Variants in ABCC12 observed in about 807,000 individuals in gnomAD.
The protein encoded by ABCC12 is ATP binding cassette subfamily C member 12, also known as ATP-binding cassette sub-family C member 12.
ABCC12 carries 142 observed loss-of-function variants against 151.1 expected under a neutral mutation model. That is an observed-to-expected ratio of 0.94 (90% CI 0.82 to 1.08). The LOEUF is 1.08. ABCC12 is among the 50% of genes least tolerant of loss of function. The pLI, the probability that ABCC12 is intolerant of heterozygous loss-of-function variation, is 0.00. For missense variants in ABCC12, 1,638 were observed against 1,691.1 expected (o/e 0.97, Z 0.55); for synonymous variants, 645 against 646.4 (o/e 1.00, Z 0.03).
Position 48,107,412 on chromosome 16 carries a change from A to G in ABCC12, c.2385T>C (p.Ser795=). Reference sequence around the variant, plus strand: ...GGAGGAAGAGGAACACAGTGAAGAGAGAAAGGAGGTACCCTGCAAGAGGAG... The same window carrying G: ...GGAGGAAGAGGAACACAGTGAAGAGGGAAAGGAGGTACCCTGCAAGAGGAG... The part of the protein sequence containing the change: ...YIKASGGYLL[S]LFTVFLFLLM... The change falls in exon 20 of 31, where the codon TCT becomes TCC. Residue 795 remains serine (S), a synonymous_variant. Transcript: ENST00000311303. The G allele has an allele frequency of 6.2e-7, 1 of 1,614,172 alleles. No homozygotes were observed. The highest frequency in any genetic ancestry group is 8.5e-7 in the Non-Finnish European group (1 of 1,180,030).
Position 48,120,342 on chromosome 16 carries a change from G to A in ABCC12, c.1712+1374C>T, listed in dbSNP as rs149125240. Among the ~76,000 whole-genome samples, 11 of 152,240 alleles carry A rather than the reference G, an allele frequency of 7.2e-5. No individual in the cohort carries two copies. The East Asian group carries it at 9.6e-4, about 13-fold the overall frequency. On this transcript the variant is annotated intron_variant, in intron 13 of 30. Transcript: ENST00000311303. Reference sequence around the variant, plus strand: ...AAGGATGGAGGATGAGAGGGCGCACGGATGAACAGCTTCCTATTGGGTACT... The same window carrying A: ...AAGGATGGAGGATGAGAGGGCGCACAGATGAACAGCTTCCTATTGGGTACT...
chr16:48,098,718 AT>A (rs1963198347), intron 23 of ABCC12, among the ~76,000 whole-genome samples: 1 of 152,180 alleles, frequency 6.6e-6, no homozygotes, highest in African/African-American at 2.4e-5. Context: ...ATCTTTTTAC[AT>A]TTTTTAAGCT....
chr16:48,136,612 G>A (rs1200835749), intron 8 of ABCC12, among the ~76,000 whole-genome samples: 9 of 152,202 alleles, frequency 5.9e-5, no homozygotes, highest in Admixed American at 3.3e-4. Context: ...ATTACAAATT[G>A]TGTTGAGTGA....
rs199765740 is a variant in ABCC12, at chr16:48,088,717, G to A, written c.3303C>T (p.Cys1101=). 2.5e-6 allele frequency: 4 copies of A among 1,613,512 alleles called. No homozygotes were observed. In the African/African-American group the frequency reaches 4.0e-5, roughly 16 times the overall value. The change falls in exon 26 of 31, where the codon TGC becomes TGT. Residue 1101 remains cysteine (C), a synonymous_variant. Coordinates refer to ENST00000311303, the MANE Select transcript of ABCC12 (RefSeq NM_001393797.1). ...AGGTCCCCACTTTGAGGGGATGAGT[G>A]CATTCAGGAACACAGGTCTGTAAAG... ...REYISTCVPE[C]THPLKVGTCP...
intron 2 of ABCC12, among the ~76,000 whole-genome samples, chr16:48,149,457 A>G (rs1965088991): frequency 2.0e-5 from 3 of 152,212 alleles, no homozygotes; most frequent in African/African-American, 7.2e-5. Flanking sequence ...GCTTCCTATG[A>G]CAAGTTTATT....
At chr16:48,115,006 C>A (rs1963826565) in intron 15 of ABCC12, among the ~76,000 whole-genome samples, 1 of 152,186 alleles carries the variant, frequency 6.6e-6, no homozygotes, top group South Asian at 2.1e-4. Flanking sequence ...AGGTCTACCA[C>A]CCCCTGACAC....
intron 7 of ABCC12, among the ~76,000 whole-genome samples, chr16:48,138,605 C>G (rs563172633): frequency 6.6e-6 from 1 of 152,220 alleles, no homozygotes; most frequent in South Asian, 2.1e-4. Context: ...AAAGAGAGTG[C>G]TGGGGGCTTT....
At chr16:48,151,794 A>C (rs1965120357) in intron 2 of ABCC12, among the ~76,000 whole-genome samples, 2 of 152,342 alleles carry the variant, frequency 1.3e-5, no homozygotes, top group Middle Eastern at 3.4e-3. Context: ...ATCTGATCAT[A>C]AGTTTAAGAA....
chr16:48,120,145 G>A (rs180777889), intron 13 of ABCC12, among the ~76,000 whole-genome samples: 35 of 152,238 alleles, frequency 2.3e-4, no homozygotes, highest in Admixed American at 4.6e-4. Flanking sequence ...CTATGCAGCC[G>A]TAAAAAAGAA....
chr16:48,144,163 G>T, intron 3 of ABCC12, 98 bp from the exon 4 acceptor site: 1 of 1,394,648 alleles, frequency 7.2e-7, no homozygotes, highest in Non-Finnish European at 9.7e-7. Context: ...AACCACAGCT[G>T]CACTCAGAAT....
chr16:48,127,266 G>A (rs1266311928), intron 11 of ABCC12, among the ~76,000 whole-genome samples: 2 of 152,154 alleles, frequency 1.3e-5, no homozygotes, highest in African/African-American at 4.8e-5. Context: ...TTAATGTTGA[G>A]CCCTCTGCAG....
chr16:48,151,220 T>A (rs1965112717), intron 2 of ABCC12, among the ~76,000 whole-genome samples: 1 of 152,168 alleles, frequency 6.6e-6, no homozygotes, highest in African/African-American at 2.4e-5. Flanking sequence ...AAAGGGCACT[T>A]TACCTCTGAG....
At chr16:48,146,278 C>T (rs765903141) in intron 3 of ABCC12, 28 bp downstream of exon 3, 1 of 1,606,838 alleles carries the variant, frequency 6.2e-7, no homozygotes, top group Non-Finnish European at 8.5e-7. Flanking sequence ...CTGCCCTGGC[C>T]CTCCCTTCTG....
rs1056418899 is a variant in ABCC12 at position 48,083,648 on chromosome 16, C to T, written c.*67G>A. ...CTGCCTGCGGAGAGGACAGCCCCTCCTCCTGAAGACTCCTCCTATTCATCT... is the reference window on the plus strand; with the variant it reads ...CTGCCTGCGGAGAGGACAGCCCCTCTTCCTGAAGACTCCTCCTATTCATCT... On this transcript the variant is annotated 3_prime_UTR_variant, in exon 31 of 31. Coordinates refer to ENST00000311303, the MANE Select transcript of ABCC12 (RefSeq NM_001393797.1). 10 of 1,528,952 alleles carry T rather than the reference C, an allele frequency of 6.5e-6. No homozygotes were observed. The African/African-American group carries it at 1.4e-4, about 21-fold the overall frequency. 94.7% of individuals were successfully genotyped at this position (1,528,952 alleles called of 1,614,324 possible).
chr16:48,148,165 A>C (rs115877963), intron 2 of ABCC12, among the ~76,000 whole-genome samples: 4,881 of 151,678 alleles, frequency 0.032, 250 homozygotes, highest in African/African-American at 0.11. Flanking sequence ...CCAGGTTGAT[A>C]TCGAACTCCT....
intron 12 of ABCC12, among the ~76,000 whole-genome samples, 173 bp from the exon 13 acceptor site, chr16:48,122,013 T>C (rs2150637855): frequency 6.6e-6 from 1 of 152,324 alleles, no homozygotes; most frequent in Non-Finnish European, 1.5e-5. Flanking sequence ...AGATGCAGAA[T>C]CTCAGAGTCA....
chr16:48,088,125 G>C, intron 26 of ABCC12, 40 bp from the exon 27 acceptor site: 1 of 1,600,302 alleles, frequency 6.2e-7, no homozygotes, highest in Non-Finnish European at 8.5e-7. Flanking sequence ...TCAAACATCA[G>C]TTTGTGCTTC....
chr16:48,142,021 G>A (rs1964833409), intron 4 of ABCC12, among the ~76,000 whole-genome samples: 2 of 152,200 alleles, frequency 1.3e-5, no homozygotes, highest in African/African-American at 4.8e-5. Context: ...TGGAATTAAA[G>A]AAAAGTGGAC....
In ABCC12 at chr16:48,081,650, A is replaced by C. The variant is rs1311428393; in HGVS notation, c.*2065T>G. ...ATAATTCATGGAAAAAATGCTTGTC[A>C]CAGTCCTGGCACACTGCAAGGTCTC... On this transcript the variant is annotated 3_prime_UTR_variant, in exon 31 of 31. Transcript: ENST00000311303. 1.3e-5 allele frequency among the ~76,000 whole-genome samples: 2 copies of C among 152,210 alleles called. No homozygotes were observed. Among genetic ancestry groups the C allele is most frequent in the African/African-American group, 4.8e-5 (2 of 41,456 alleles).
Sources: allele counts gnomAD v4.1 joint callset (sites outside exome capture counted in the v4.1 genomes callset), GRCh38; gene constraint gnomAD v4.1.1; transcripts MANE v1.5; gene names NCBI Gene and HGNC (gene_info 2026-07-23, HGNC 2026-07-21).